Variants in LRP1B observed in about 807,000 individuals in gnomAD.
LRP1B encodes the protein LDL receptor related protein 1B.
LRP1B carries 217 observed loss-of-function variants against 556.6 expected under a neutral mutation model. The observed-to-expected ratio is 0.39, with a 90% CI of 0.35 to 0.44. The LOEUF (loss-of-function observed/expected upper bound fraction) is 0.44. Among genes scored for constraint, LRP1B ranks in the 20% least tolerant of loss-of-function variants. LRP1B has a pLI of 1.00. For missense variants in LRP1B, 5,053 were observed against 5,620.8 expected, an observed-to-expected ratio of 0.90 and a Z score of 3.23; for synonymous variants, 2,047 against 1,865.8, an observed-to-expected ratio of 1.10 and a Z score of -2.50.
chr2:141,226,139 GAAT>G lies in LRP1B; in HGVS notation c.850+3041_850+3043del, dbSNP rs1683239932. ...TTTTCCCCCCCAAAAAAAACCAAAAGAATAATATCTCCCTGTTGCAGATAGTCT... is the reference window on the plus strand; with the variant it reads ...TTTTCCCCCCCAAAAAAAACCAAAAGAATATCTCCCTGTTGCAGATAGTCT... On this transcript the variant is annotated intron_variant, in intron 6 of 90. Transcript: ENST00000389484. Among the ~76,000 whole-genome samples, 34 of 150,338 alleles carry G rather than the reference GAAT, an allele frequency of 2.3e-4. 1 individual carries two copies. The highest frequency in any genetic ancestry group is 2.3e-3 in the Admixed American group (34 of 15,074).
At chr2:140,789,103 T>A (rs1348510074) in intron 32 of LRP1B, among the ~76,000 whole-genome samples, 1 of 152,116 alleles carries the variant, frequency 6.6e-6, no homozygotes, top group African/African-American at 2.4e-5. Context: ...GAGACTAATA[T>A]ACTCCCCCAT....
chr2:142,021,137 T>C (rs1703316640), intron 1 of LRP1B, among the ~76,000 whole-genome samples: 1 of 152,264 alleles, frequency 6.6e-6, no homozygotes, highest in Non-Finnish European at 1.5e-5. Context: ...CTCTAATACT[T>C]GGCATTCCCA....
intron 31 of LRP1B, among the ~76,000 whole-genome samples, chr2:140,825,053 A>G (rs1346888532): frequency 2.0e-5 from 3 of 152,110 alleles, no homozygotes; most frequent in African/African-American, 7.2e-5. Flanking sequence ...CAACAAACAA[A>G]TTAAAAATTT....
At chr2:140,939,677 A>G (rs1483446255) in intron 20 of LRP1B, among the ~76,000 whole-genome samples, 1 of 151,414 alleles carries the variant, frequency 6.6e-6, no homozygotes, top group Non-Finnish European at 1.5e-5. Flanking sequence ...CCCTTTTCAG[A>G]TAGCCTAAAA....
At chr2:141,313,556 CA>C (rs1221786400) in intron 3 of LRP1B, among the ~76,000 whole-genome samples, 1 of 152,158 alleles carries the variant, frequency 6.6e-6, no homozygotes, top group Non-Finnish European at 1.5e-5. Flanking sequence ...AGCCAACATA[CA>C]GTCTTTTTTT....
At chr2:141,509,004 G>T (rs1211157825) in intron 2 of LRP1B, among the ~76,000 whole-genome samples, 1 of 152,156 alleles carries the variant, frequency 6.6e-6, no homozygotes, top group East Asian at 1.9e-4. Flanking sequence ...CAAGTCGTAG[G>T]GTTGGCATTT....
intron 2 of LRP1B, among the ~76,000 whole-genome samples, chr2:141,683,547 C>G (rs536713486): frequency 6.6e-6 from 1 of 152,168 alleles, no homozygotes; most frequent in East Asian, 1.9e-4. Context: ...GGTAACAAAA[C>G]TTGTCAGCAG....
intron 3 of LRP1B, among the ~76,000 whole-genome samples, chr2:141,292,132 C>G (rs1168478984): frequency 6.6e-6 from 1 of 152,078 alleles, no homozygotes; most frequent in Non-Finnish European, 1.5e-5. Context: ...GAGCACAAAC[C>G]CTATTGTGAC....
Position 141,494,757 on chromosome 2 carries a change from A to T in LRP1B, c.206-14224T>A, listed in dbSNP as rs185163479. 2.7e-5 allele frequency among the ~76,000 whole-genome samples: 4 copies of T among 147,520 alleles called. No individual in the cohort carries two copies. In the East Asian group the frequency reaches 8.0e-4, roughly 29 times the overall value. Reference sequence around the variant, plus strand: ...TTTATAAAGCAATTACACCTTTCACAGCATACTAGATATGGAGGTTTATTT... The same window carrying T: ...TTTATAAAGCAATTACACCTTTCACTGCATACTAGATATGGAGGTTTATTT... On this transcript the variant is annotated intron_variant, in intron 2 of 90. Coordinates refer to ENST00000389484, the MANE Select transcript of LRP1B (RefSeq NM_018557.3).
chr2:141,594,923 T>C (rs900276568), intron 2 of LRP1B, among the ~76,000 whole-genome samples: 1 of 152,236 alleles, frequency 6.6e-6, no homozygotes, highest in African/African-American at 2.4e-5. Flanking sequence ...TCCTAAATTA[T>C]AGAAGTTTAT....
intron 18 of LRP1B, among the ~76,000 whole-genome samples, chr2:140,956,717 C>T (rs1695884380): frequency 6.6e-6 from 1 of 151,686 alleles, no homozygotes; most frequent in African/African-American, 2.4e-5. Context: ...TGTCACATAA[C>T]AATCTCATTT....
At position 141,236,942 on chromosome 2, in the gene LRP1B, T is replaced by C. The variant is rs139412713; in HGVS notation, c.593-7502A>G. Among the ~76,000 whole-genome samples the C allele has an allele frequency of 2.8e-3, 422 of 152,308 alleles. 3 individuals carry two copies. Among genetic ancestry groups the C allele is most frequent in the African/African-American group, 8.7e-3 (361 of 41,580 alleles). ...CTACATGTCACATAGAGAATGGCAT[T>C]AATTTCATTTGTTTTTATGAAGAAA... is the stretch of plus-strand genomic sequence containing the variant. On this transcript the variant is annotated intron_variant, in intron 5 of 90. Transcript: ENST00000389484.
At chr2:140,375,820 T>G (rs1306100061) in intron 68 of LRP1B, among the ~76,000 whole-genome samples, 2 of 152,132 alleles carry the variant, frequency 1.3e-5, no homozygotes, top group East Asian at 3.9e-4. Context: ...TTTCTGTGTG[T>G]GCCACAGAGA....
rs192663891 is a variant in LRP1B, at chr2:141,297,365, A to T, written c.344-42724T>A. 8.9e-4 allele frequency among the ~76,000 whole-genome samples: 135 copies of T among 152,338 alleles called. 1 individual carries two copies. The highest frequency in any genetic ancestry group is 1.5e-3 in the Non-Finnish European group (103 of 68,016). On this transcript the variant is annotated intron_variant, in intron 3 of 90. Transcript: ENST00000389484. ...GCCTATGCACTGTTGGTGGGAATTT[A>T]AATTAGTTCAGCCACTATGGAGAGC...
chr2:141,296,374 G>A (rs746435367), intron 3 of LRP1B, among the ~76,000 whole-genome samples: 23 of 152,138 alleles, frequency 1.5e-4, no homozygotes, highest in Non-Finnish European at 3.1e-4. Flanking sequence ...TCACATATAA[G>A]GGAATTTAAG....
At chr2:141,428,857 ACC>A in intron 3 of LRP1B, among the ~76,000 whole-genome samples, 1 of 152,304 alleles carries the variant, frequency 6.6e-6, no homozygotes, top group Admixed American at 6.5e-5. Flanking sequence ...ATAAGTCTCT[ACC>A]CTCTTATAGA....
At chr2:141,460,170 C>T (rs1316198152) in intron 3 of LRP1B, among the ~76,000 whole-genome samples, 1 of 152,114 alleles carries the variant, frequency 6.6e-6, no homozygotes, top group Admixed American at 6.6e-5. Flanking sequence ...TAAGTATTTT[C>T]TTCCCTTAAA....
intron 2 of LRP1B, among the ~76,000 whole-genome samples, chr2:141,752,376 G>A (rs1375577020): frequency 1.3e-5 from 2 of 152,116 alleles, no homozygotes; most frequent in Non-Finnish European, 2.9e-5. Context: ...TGGAGGCCTG[G>A]CATACTAAGG....
chr2:140,732,545 C>T (rs1687813988), intron 35 of LRP1B, among the ~76,000 whole-genome samples: 1 of 152,012 alleles, frequency 6.6e-6, no homozygotes, highest in Non-Finnish European at 1.5e-5. Flanking sequence ...ATTAATAATA[C>T]TCTTGGTCTC....
Sources: allele counts gnomAD v4.1 joint callset (sites outside exome capture counted in the v4.1 genomes callset), GRCh38; gene constraint gnomAD v4.1.1; transcripts MANE v1.5; gene names NCBI Gene and HGNC (gene_info 2026-07-23, HGNC 2026-07-21).